SMARCA2: variants seen among roughly 807,000 people sequenced by gnomAD.
SMARCA2 encodes SWI/SNF-related matrix-associated actin-dependent regulator of chromatin subfamily A member 2.
Under a neutral mutation model 199.8 loss-of-function variants are expected in SMARCA2, and 61 were observed. The observed-to-expected ratio is 0.31, with a 90% CI of 0.25 to 0.38. The LOEUF (loss-of-function observed/expected upper bound fraction) is 0.38. Among genes scored for constraint, SMARCA2 ranks in the 10% least tolerant of loss-of-function variants. SMARCA2 has a pLI of 1.00. For synonymous variants in SMARCA2, 935 were observed against 732.0 expected, an observed-to-expected ratio of 1.28 and a Z score of -4.48; for missense variants, 1,344 against 2,012.2, an observed-to-expected ratio of 0.67 and a Z score of 6.35.
In SMARCA2 at chr9:2,191,375, C is replaced by T. The variant is rs762587234; in HGVS notation, c.4704C>T (p.Ser1568=). The T allele has an allele frequency of 1.6e-5, 26 of 1,614,004 alleles. No individual in the cohort carries two copies. The highest frequency in any genetic ancestry group is 2.2e-5 in the East Asian group (1 of 44,896). Residue 1568 remains serine (S), a synonymous_variant, in exon 33 of 34, where the codon AGC becomes AGT. Coordinates refer to ENST00000349721, the MANE Select transcript of SMARCA2 (RefSeq NM_003070.5). The part of the protein sequence containing the change: ...PNRGKAKPVV[S]DFDSDEEQDE... ...GAGGAAAAGCCAAACCTGTAGTGAG[C>T]GATTTTGACAGCGATGAGGAGCAGG... is the stretch of plus-strand genomic sequence containing the variant.
intron 31 of SMARCA2, among the ~76,000 whole-genome samples, chr9:2,184,380 T>C (rs1333575509): frequency 1.5e-5 from 2 of 132,642 alleles, no homozygotes; most frequent in Non-Finnish European, 3.1e-5. Flanking sequence ...TGAGATGGAG[T>C]CTCACTCTGT....
chr9:2,020,672 T>C (rs912699889), intron 1 of SMARCA2, among the ~76,000 whole-genome samples: 2 of 152,222 alleles, frequency 1.3e-5, no homozygotes, highest in African/African-American at 4.8e-5. Flanking sequence ...CCCATGTTAA[T>C]ATAGCACTTT....
At chr9:2,044,436 C>G (rs546151923) in intron 4 of SMARCA2, 1 of 152,352 alleles carries the variant, frequency 6.6e-6, no homozygotes, top group Admixed American at 6.5e-5. Flanking sequence ...AAGTTGCCAG[C>G]TAATATGGTA....
chr9:2,168,666 A>G (rs1192537285), intron 28 of SMARCA2, among the ~76,000 whole-genome samples: 1 of 152,240 alleles, frequency 6.6e-6, no homozygotes, highest in Non-Finnish European at 1.5e-5. Context: ...CTGTCTTTCT[A>G]AAATAAGTTT....
At chr9:2,102,498 A>G (rs1822564444) in intron 22 of SMARCA2, among the ~76,000 whole-genome samples, 1 of 152,206 alleles carries the variant, frequency 6.6e-6, no homozygotes, top group South Asian at 2.1e-4. Context: ...CAACTACCAG[A>G]TGAGACATTT....
chr9:2,191,464 C>T (rs1827879235), intron 33 of SMARCA2, 56 bp downstream of exon 33: 2 of 1,590,696 alleles, frequency 1.3e-6, no homozygotes, highest in Non-Finnish European at 1.7e-6. Context: ...TGCTTGCTGG[C>T]CTCTTGCATT....
At chr9:2,066,341 G>A (rs1251885831) in intron 9 of SMARCA2, among the ~76,000 whole-genome samples, 1 of 152,088 alleles carries the variant, frequency 6.6e-6, no homozygotes, top group Non-Finnish European at 1.5e-5. Context: ...CAGCTTACAC[G>A]GGATTTTCAT....
Position 2,110,251 on chromosome 9 carries a change from C to T in SMARCA2, c.3293-3C>T, listed in dbSNP as rs1287087369. ...GGCAAATTAATTTTTCTGATCCCCTCAGGCACCACCAAGTCTGAAGATCGT... is the reference window on the plus strand; with the variant it reads ...GGCAAATTAATTTTTCTGATCCCCTTAGGCACCACCAAGTCTGAAGATCGT... On this transcript the variant is annotated splice_polypyrimidine_tract_variant and splice_region_variant and intron_variant, in intron 23 of 33. Coordinates refer to ENST00000349721, the MANE Select transcript of SMARCA2 (RefSeq NM_003070.5). This position sits in a 1 kb window ranked among gnomAD's most constrained non-coding sequence, Gnocchi z 4.8. The T allele has an allele frequency of 6.2e-7, 1 of 1,607,248 alleles. No homozygotes were observed. Among genetic ancestry groups the T allele is most frequent in the East Asian group, 2.2e-5 (1 of 44,804 alleles).
chr9:2,040,090 C>T (rs1358116581), intron 4 of SMARCA2, 190 bp downstream of exon 4: 3 of 1,154,450 alleles, frequency 2.6e-6, no homozygotes, highest in African/African-American at 1.6e-5. Context: ...AGACCTAGGG[C>T]AGTGTTTCTT....
At chr9:2,107,911 GA>G (rs1822831885) in intron 23 of SMARCA2, among the ~76,000 whole-genome samples, 1 of 152,156 alleles carries the variant, frequency 6.6e-6, no homozygotes, top group Non-Finnish European at 1.5e-5. Flanking sequence ...CATAAAGATG[GA>G]AGAACAGCCC....
At chr9:2,142,214 T>A (rs553607884) in intron 27 of SMARCA2, among the ~76,000 whole-genome samples, 1 of 152,220 alleles carries the variant, frequency 6.6e-6, no homozygotes, top group Non-Finnish European at 1.5e-5. Flanking sequence ...ACAATCTTTT[T>A]TACTTTGTCA....
rs1823160748 is a variant in SMARCA2, at chr9:2,115,100, T to C, written c.3457-722T>C. ...ATTATTCTGAGAAGGTACATCCTTA[T>C]TTCTAAATCTTTGTGCATATCTATG... On this transcript the variant is annotated intron_variant, in intron 24 of 33. Transcript: ENST00000349721. The surrounding 1 kb of genome is among the most constrained non-coding windows in gnomAD (Gnocchi z 6.0). Among the ~76,000 whole-genome samples, 1 of 152,070 alleles carries C rather than the reference T, an allele frequency of 6.6e-6. No homozygotes were observed. The highest frequency in any genetic ancestry group is 1.5e-5 in the Non-Finnish European group (1 of 68,026).
In SMARCA2 at chr9:2,039,972, C is replaced by A. The variant is rs904892923; in HGVS notation, c.790+72C>A. On this transcript the variant is annotated intron_variant, in intron 4 of 33. Transcript: ENST00000349721. This position sits in a 1 kb window ranked among gnomAD's most constrained non-coding sequence, Gnocchi z 4.8. ...ATAACAAAGACTGCTCACCAAAACA[C>A]CGGGTTGTTAAAAGCCCGGGGCTGA... 6.3e-7 allele frequency: 1 copy of A among 1,581,044 alleles called. No homozygotes were observed. Among genetic ancestry groups the A allele is most frequent in the Admixed American group, 1.7e-5 (1 of 58,722 alleles).
At chr9:2,178,282 A>AC (rs1432276786) in intron 29 of SMARCA2, among the ~76,000 whole-genome samples, 2 of 151,864 alleles carry the variant, frequency 1.3e-5, no homozygotes, top group Non-Finnish European at 2.9e-5. Context: ...CCCCTCCCCC[A>AC]CTTACCCCAT....
chr9:2,192,765 G>A lies in SMARCA2; in HGVS notation c.*26G>A, dbSNP rs377168669. On this transcript the variant is annotated 3_prime_UTR_variant, in exon 34 of 34. Coordinates refer to ENST00000349721, the MANE Select transcript of SMARCA2 (RefSeq NM_003070.5). ...TCAGTATGGACCTTTTTCCTTGGTA[G>A]AACTGAATTCCTTCCTCCCCTGTCT... 27 of 1,565,656 alleles carry A rather than the reference G, an allele frequency of 1.7e-5. No individual in the cohort carries two copies. Among genetic ancestry groups the A allele is most frequent in the Non-Finnish European group, 2.2e-5 (25 of 1,136,102 alleles).
intron 21 of SMARCA2, among the ~76,000 whole-genome samples, chr9:2,100,200 T>A (rs1269375443): frequency 6.6e-6 from 1 of 152,192 alleles, no homozygotes; most frequent in Non-Finnish European, 1.5e-5. Flanking sequence ...AAAGTCAGAA[T>A]GGAGAAATGC....
chr9:2,119,370 C>A lies in SMARCA2; in HGVS notation c.3685-88C>A. ...TTTCTTTCTGCCTTGAGAAATGGGA[C>A]CCCTCTGGTCTGGAGGACAGATCAC... On this transcript the variant is annotated intron_variant, in intron 25 of 33. Coordinates refer to ENST00000349721, the MANE Select transcript of SMARCA2 (RefSeq NM_003070.5). The surrounding 1 kb of genome is among the most constrained non-coding windows in gnomAD (Gnocchi z 4.6). 1.3e-6 allele frequency: 1 copy of A among 794,896 alleles called. No homozygotes were observed. Among genetic ancestry groups the A allele is most frequent in the Non-Finnish European group, 2.2e-6 (1 of 458,590 alleles). 49.2% of individuals were successfully genotyped at this position (794,896 alleles called of 1,614,324 possible). A position where few individuals can be genotyped will look rare whatever the true frequency, so the allele number is the denominator to read the frequency against.
chr9:2,076,828 C>T (rs778140517), intron 13 of SMARCA2, among the ~76,000 whole-genome samples: 5 of 152,120 alleles, frequency 3.3e-5, no homozygotes, highest in African/African-American at 1.2e-4. Flanking sequence ...TCCAGCCCTC[C>T]GAGTGCCCTG....
At chr9:2,178,054 A>G (rs1290897127) in intron 29 of SMARCA2, among the ~76,000 whole-genome samples, 2 of 149,932 alleles carry the variant, frequency 1.3e-5, no homozygotes, top group Non-Finnish European at 3.0e-5. Context: ...AAGCATAACA[A>G]ATTAAATCTC....
Sources: gnomAD v4.1 joint callset for allele counts (sites outside exome capture counted in the v4.1 genomes callset) on GRCh38, gnomAD v4.1.1 for gene constraint, Gnocchi (gnomAD v3.1) non-coding constraint, MANE v1.5 for transcripts, NCBI Gene and HGNC (gene_info 2026-07-23, HGNC 2026-07-21) for gene names.